KLF8: variants seen among roughly 807,000 people sequenced by gnomAD.
KLF8 encodes the protein Krueppel-like factor 8.
Under a neutral mutation model 18.2 loss-of-function variants are expected in KLF8, and 10 were observed. That is an observed-to-expected ratio of 0.55 (90% CI 0.34 to 0.93). The LOEUF (loss-of-function observed/expected upper bound fraction) is 0.93, where lower values mean the gene tolerates loss of function less well. Ranked by LOEUF, KLF8 falls within the 40% of genes least tolerant of loss-of-function variation. The probability of loss-of-function intolerance (pLI) is 0.02; values close to 1 mark genes in which losing one functional copy is unlikely to be tolerated. For missense variants in KLF8, 264 were observed against 277.9 expected (o/e 0.95, Z 0.36); for synonymous variants, 109 against 97.3 (o/e 1.12, Z -0.71).
At chrX:56,196,513 A>T in the KLF8 span, among the ~76,000 whole-genome samples, 1 of 112,384 alleles carries the variant, frequency 8.9e-6, no homozygotes. Context: ...CCATTACATA[A>T]TGGTAAAGGA....
At chrX:56,053,472 G>A in the KLF8 span, among the ~76,000 whole-genome samples, 2 of 106,103 alleles carry the variant, frequency 1.9e-5, no homozygotes, top group Admixed American at 2.0e-4. Flanking sequence ...CCTGGGGTGG[G>A]TTTTTTTGTT....
At chrX:56,084,212 CCACA>C in the KLF8 span, among the ~76,000 whole-genome samples, 1 of 110,375 alleles carries the variant, frequency 9.1e-6, no homozygotes, top group African/African-American at 3.3e-5. Context: ...GACCTTGTCC[CCACA>C]TAAAATTTTT....
chrX:56,158,636 A>T, the KLF8 span, among the ~76,000 whole-genome samples: 1 of 111,491 alleles, frequency 9.0e-6, no homozygotes, highest in Non-Finnish European at 1.9e-5. Flanking sequence ...CTAGATATTT[A>T]ATTCTCTTTG....
At chrX:56,050,785 C>T in the KLF8 span, among the ~76,000 whole-genome samples, 19 of 110,725 alleles carry the variant, frequency 1.7e-4, no homozygotes, top group Admixed American at 3.8e-4. Context: ...CTATTAGGTC[C>T]GCTTGGTGCA....
chrX:56,091,419 C>T, the KLF8 span, among the ~76,000 whole-genome samples: 6 of 111,367 alleles, frequency 5.4e-5, no homozygotes, highest in Admixed American at 9.6e-5. Context: ...TACCCAGTCT[C>T]GGGTGTGTCT....
At chrX:56,072,029 A>T in the KLF8 span, among the ~76,000 whole-genome samples, 1 of 111,615 alleles carries the variant, frequency 9.0e-6, no homozygotes, top group African/African-American at 3.3e-5. Context: ...GATAAGAATG[A>T]CTTTTTGTGC....
At chrX:56,089,570 G>A in the KLF8 span, among the ~76,000 whole-genome samples, 5 of 111,800 alleles carry the variant, frequency 4.5e-5, no homozygotes, top group Admixed American at 2.9e-4. Flanking sequence ...GAAAATCAGC[G>A]ACTCCTTTTA....
chrX:56,105,616 A>G, the KLF8 span, among the ~76,000 whole-genome samples: 1 of 105,378 alleles, frequency 9.5e-6, no homozygotes, highest in South Asian at 4.4e-4. Flanking sequence ...TGCATGCGAG[A>G]TGGGTCTCCT....
At chrX:56,268,982 G>C in intron 3 of KLF8, 1 of 911,136 alleles carries the variant, frequency 1.1e-6, no homozygotes, top group Non-Finnish European at 1.4e-6. Flanking sequence ...GGACAGCCAG[G>C]AGCTATTCAG....
rs1327809215 is a variant in KLF8, at chrX:56,232,804, A to T, written c.-531A>T. ...TCTTCTCCGCCTCAACTTTATGTTC[A>T]AGTAGCGCTTTGGGGGTTGGGTTGG... On this transcript the variant is annotated 5_prime_UTR_variant, in exon 1 of 6. The change creates a premature stop within an existing upstream ORF in the 5' untranslated region. Transcript: ENST00000468660. 1 of 114,704 alleles carries T rather than the reference A, an allele frequency of 8.7e-6. No homozygotes were observed. The highest frequency in any genetic ancestry group is 1.8e-5 in the Non-Finnish European group (1 of 55,338). The allele number at this position is 114,704 out of a possible 1,213,427, so 9.5% of individuals were successfully genotyped here.
chrX:56,030,834 G>A, the KLF8 span, among the ~76,000 whole-genome samples: 3 of 108,751 alleles, frequency 2.8e-5, no homozygotes, highest in Non-Finnish European at 5.7e-5. Flanking sequence ...CTGTCAGCGG[G>A]TGGAGTGAGG....
chrX:56,026,788 G>C, the KLF8 span, among the ~76,000 whole-genome samples: 74 of 111,836 alleles, frequency 6.6e-4, no homozygotes, highest in African/African-American at 2.2e-3. Flanking sequence ...TTTTCAGTTC[G>C]TGTCGGATAA....
the KLF8 span, among the ~76,000 whole-genome samples, chrX:56,183,502 T>G: frequency 9.0e-6 from 1 of 111,569 alleles, no homozygotes; most frequent in Non-Finnish European, 1.9e-5. Context: ...AGATGAAACC[T>G]GTACCACAGT....
At chrX:56,166,611 A>G in the KLF8 span, among the ~76,000 whole-genome samples, 4 of 112,145 alleles carry the variant, frequency 3.6e-5, no homozygotes, top group Non-Finnish European at 7.5e-5. Context: ...GCATCTACAG[A>G]TGGAGTAGCA....
At chrX:56,139,116 C>A in the KLF8 span, among the ~76,000 whole-genome samples, 3 of 111,064 alleles carry the variant, frequency 2.7e-5, no homozygotes, top group Non-Finnish European at 5.7e-5. Context: ...AAATTTTGTA[C>A]AAAGAAAATT....
the KLF8 span, among the ~76,000 whole-genome samples, chrX:56,146,089 T>A: frequency 1.8e-5 from 2 of 111,466 alleles, no homozygotes; most frequent in Non-Finnish European, 3.8e-5. Context: ...TGGGGAAAAA[T>A]AGAAACGTTT....
the KLF8 span, among the ~76,000 whole-genome samples, chrX:56,083,300 G>A: frequency 4.5e-5 from 5 of 111,469 alleles, no homozygotes; most frequent in African/African-American, 6.5e-5. Context: ...TTTAATATTT[G>A]GTTTATAACA....
At chrX:56,045,711 A>T in the KLF8 span, among the ~76,000 whole-genome samples, 1 of 111,632 alleles carries the variant, frequency 9.0e-6, no homozygotes, top group Non-Finnish European at 1.9e-5. Flanking sequence ...CTGCTAGGTC[A>T]CTGTTAGTGT....
intron 1 of KLF8, among the ~76,000 whole-genome samples, chrX:56,240,946 C>T (rs1462278529): frequency 9.0e-6 from 1 of 111,535 alleles, no homozygotes; most frequent in Non-Finnish European, 1.9e-5. Flanking sequence ...CACACGTTTA[C>T]CTATGTAACA....
Sources: gnomAD v4.1 joint callset for allele counts (sites outside exome capture counted in the v4.1 genomes callset) on GRCh38, gnomAD v4.1.1 for gene constraint, MANE v1.5 for transcripts, NCBI Gene and HGNC (gene_info 2026-07-23, HGNC 2026-07-21) for gene names.